PARD6G: variants seen among roughly 807,000 people sequenced by gnomAD.
PARD6G encodes par-6 family cell polarity regulator gamma.
PARD6G carries 7 observed loss-of-function variants against 10.7 expected under a neutral mutation model. The ratio of observed to expected loss-of-function variants is 0.66; its 90% CI spans 0.37 to 1.23. The LOEUF is 1.23. PARD6G is among the 50% of genes most tolerant of loss of function. PARD6G has a pLI of 0.02. For synonymous variants in PARD6G, 287 were observed against 269.4 expected (o/e 1.07, Z -0.64); for missense variants, 548 against 571.8 (o/e 0.96, Z 0.42).
intron 2 of PARD6G, among the ~76,000 whole-genome samples, chr18:80,174,764 C>G (rs923825058): frequency 6.6e-6 from 1 of 152,044 alleles, no homozygotes; most frequent in African/African-American, 2.4e-5. Flanking sequence ...ACCATCCTGG[C>G]TAACACGGTG....
At chr18:80,166,283 TTCC>T (rs2052735603) in intron 2 of PARD6G, among the ~76,000 whole-genome samples, 1 of 151,290 alleles carries the variant, frequency 6.6e-6, no homozygotes, top group South Asian at 2.1e-4. Flanking sequence ...CATGAGTGTG[TTCC>T]TCCTCTCTGC....
intron 1 of PARD6G, among the ~76,000 whole-genome samples, chr18:80,222,791 A>G (rs1967246876): frequency 6.6e-6 from 1 of 152,110 alleles, no homozygotes; most frequent in African/African-American, 2.4e-5. Flanking sequence ...CTCTCACCTT[A>G]GCCTCCCAAG....
chr18:80,228,402 G>A lies in PARD6G; in HGVS notation c.72+18875C>T, dbSNP rs1300871237. Among the ~76,000 whole-genome samples the A allele has an allele frequency of 2.0e-5, 3 of 152,098 alleles. No individual in the cohort carries two copies. Among genetic ancestry groups the A allele is most frequent in the Non-Finnish European group, 4.4e-5 (3 of 67,978 alleles). ...CCAGGTCCCTCTACATTGACCCCCA[G>A]CCTCCTCAATCAGCTCTGCTGGGTG... On this transcript the variant is annotated intron_variant, in intron 1 of 2. Transcript: ENST00000353265. This position sits in a 1 kb window ranked among gnomAD's most constrained non-coding sequence, Gnocchi z 4.6.
At chr18:80,241,687 C>T (rs1967491981) in intron 1 of PARD6G, among the ~76,000 whole-genome samples, 1 of 152,156 alleles carries the variant, frequency 6.6e-6, no homozygotes, top group African/African-American at 2.4e-5. Flanking sequence ...TGGGAAGAGG[C>T]TGGGGCCTAC....
chr18:80,160,243 T>C lies in PARD6G; in HGVS notation c.659A>G (p.Asn220Ser). 2 of 1,612,740 alleles carry C rather than the reference T, an allele frequency of 1.2e-6. No individual in the cohort carries two copies. Among genetic ancestry groups the C allele is most frequent in the Non-Finnish European group, 1.7e-6 (2 of 1,179,816 alleles). ...CGTCTTCCCGGCCACCTCAATGCCG[T>C]TCACCTCCAGGACCTCGTCATTCAC... The part of the protein sequence containing the change: ...LAVNDEVLEV[N>S]GIEVAGKTLD... Residue 220 changes from asparagine (N) to serine (S), a missense_variant, in exon 3 of 3, where the codon AAC becomes AGC. By Grantham distance (46) the Asn-to-Ser change is conservative. This residue lies in a region of PARD6G where 313 missense variants were observed against 279.9 expected (regional missense o/e 1.12). Transcript: ENST00000353265.
At position 80,202,738 on chromosome 18, in the gene PARD6G, G is replaced by A; in HGVS notation, c.267C>T (p.Pro89=). ...NFCKAVSSAN[P]LLRVFIQKRE... ...GTTTCTGGATGAAGACCCTGAGCAG[G>A]GGATTTGCACTAGAAACCGCCTTGC... The change falls in exon 2 of 3, where the codon CCC becomes CCT. Residue 89 remains proline (P), a synonymous_variant. Coordinates refer to ENST00000353265, the MANE Select transcript of PARD6G (RefSeq NM_032510.4). 6.2e-7 allele frequency: 1 copy of A among 1,613,338 alleles called. No individual in the cohort carries two copies. The highest frequency in any genetic ancestry group is 8.5e-7 in the Non-Finnish European group (1 of 1,179,984).
chr18:80,159,701 T>G lies in PARD6G; in HGVS notation c.*70A>C, dbSNP rs1351013432. On this transcript the variant is annotated 3_prime_UTR_variant, in exon 3 of 3. Coordinates refer to ENST00000353265, the MANE Select transcript of PARD6G (RefSeq NM_032510.4). ...ACAAAAACAACAAAAAATGAGCGGA[T>G]GCAGTCTGCAGGTCCTGTCCCTGTC... The G allele has an allele frequency of 6.1e-6, 8 of 1,322,222 alleles. No individual in the cohort carries two copies. The highest frequency in any genetic ancestry group is 7.7e-6 in the Non-Finnish European group (8 of 1,032,668). 81.9% of individuals were successfully genotyped at this position (1,322,222 alleles called of 1,614,324 possible).
chr18:80,188,435 A>C lies in PARD6G; in HGVS notation c.295+14275T>G, dbSNP rs1179958867. Among the ~76,000 whole-genome samples the C allele has an allele frequency of 6.6e-6, 1 of 152,096 alleles. No individual in the cohort carries two copies. The highest frequency in any genetic ancestry group is 1.5e-5 in the Non-Finnish European group (1 of 67,990). On this transcript the variant is annotated intron_variant, in intron 2 of 2. Transcript: ENST00000353265. The surrounding 1 kb of genome is among the most constrained non-coding windows in gnomAD (Gnocchi z 5.4). ...GTTCCAAGGACCTAGGCACCTCCTC[A>C]TGGTGCCTTCCACCTGCAATTCCCG...
chr18:80,173,644 C>T (rs928181111), intron 2 of PARD6G, among the ~76,000 whole-genome samples: 1 of 152,062 alleles, frequency 6.6e-6, no homozygotes, highest in Non-Finnish European at 1.5e-5. Context: ...GGGGGCAAAC[C>T]CTGGGGAGAC....
intron 2 of PARD6G, among the ~76,000 whole-genome samples, chr18:80,179,164 G>A (rs1369408046): frequency 1.3e-5 from 2 of 151,778 alleles, no homozygotes; most frequent in Middle Eastern, 3.2e-3. Context: ...CCACAGCCAA[G>A]CCCACGTGGT....
intron 2 of PARD6G, among the ~76,000 whole-genome samples, chr18:80,196,876 C>T (rs563546161): frequency 9.1e-6 from 1 of 110,340 alleles, no homozygotes; most frequent in Admixed American, 1.2e-4. Flanking sequence ...GAGTGGGAGA[C>T]TTTTTTCTTT....
chr18:80,192,172 T>C lies in PARD6G; in HGVS notation c.295+10538A>G, dbSNP rs1353683887. 6.6e-6 allele frequency among the ~76,000 whole-genome samples: 1 copy of C among 152,232 alleles called. No individual in the cohort carries two copies. The highest frequency in any genetic ancestry group is 1.5e-5 in the Non-Finnish European group (1 of 68,048). ...TCACAAGACCAGACTGCGCATTCTC[T>C]ACGAGACATGATATGACAGTGACCC... On this transcript the variant is annotated intron_variant, in intron 2 of 2. Transcript: ENST00000353265. The surrounding 1 kb of genome is among the most constrained non-coding windows in gnomAD (Gnocchi z 4.9).
chr18:80,234,071 C>G (rs1967390936), intron 1 of PARD6G, among the ~76,000 whole-genome samples: 1 of 152,162 alleles, frequency 6.6e-6, no homozygotes, highest in South Asian at 2.1e-4. Flanking sequence ...TGCGGGTGTC[C>G]ACAGCTCACC....
chr18:80,247,357 C>T lies in PARD6G; in HGVS notation c.-9G>A, dbSNP rs770808518. The T allele has an allele frequency of 4.5e-5, 71 of 1,561,746 alleles. 2 individuals are homozygous for T. In the East Asian group the frequency reaches 1.7e-3, roughly 38 times the overall value. On this transcript the variant is annotated 5_prime_UTR_variant, in exon 1 of 3. Coordinates refer to ENST00000353265, the MANE Select transcript of PARD6G (RefSeq NM_032510.4). The surrounding 1 kb of genome is among the most constrained non-coding windows in gnomAD (Gnocchi z 4.2). ...TGAAAACTTCGGTTCATGGTTTCGGCCCCGGTCAGCCTCGCCGTCGCCCTC... is the reference window on the plus strand; with the variant it reads ...TGAAAACTTCGGTTCATGGTTTCGGTCCCGGTCAGCCTCGCCGTCGCCCTC...
Position 80,183,033 on chromosome 18 carries a change from C to T in PARD6G, c.295+19677G>A. The T allele has an allele frequency of 1.4e-6, 1 of 696,304 alleles. No individual in the cohort carries two copies. Among genetic ancestry groups the T allele is most frequent in the Non-Finnish European group, 2.6e-6 (1 of 381,314 alleles). 43.1% of individuals were successfully genotyped at this position (696,304 alleles called of 1,614,324 possible). The stretch of plus-strand genomic sequence containing the variant: ...TGGCTGGGGTCTCATGAGGGGCCAG[C>T]TGCGTGGGCCATCCATTCTCTACCA... On this transcript the variant is annotated intron_variant, in intron 2 of 2. Transcript: ENST00000353265. The surrounding 1 kb of genome is among the most constrained non-coding windows in gnomAD (Gnocchi z 4.5).
At position 80,169,162 on chromosome 18, in the gene PARD6G, C is replaced by A. The variant is rs1397580908; in HGVS notation, c.296-8556G>T. 1.8e-5 allele frequency: 3 copies of A among 168,202 alleles called. No homozygotes were observed. The Admixed American group carries it at 2.0e-4, about 11-fold the overall frequency. The allele number at this position is 168,202 out of a possible 1,614,324, so 10.4% of individuals were successfully genotyped here. A position where few individuals can be genotyped will look rare whatever the true frequency, so the allele number is the denominator to read the frequency against. ...GAGCTTGCACCGGGGTGGAGGTAGC[C>A]ACGGTCCCGAGACACGCCCTCTGCC... On this transcript the variant is annotated intron_variant, in intron 2 of 2. Transcript: ENST00000353265.
chr18:80,177,478 C>G (rs1020195405), intron 2 of PARD6G, among the ~76,000 whole-genome samples: 1 of 142,148 alleles, frequency 7.0e-6, no homozygotes. Context: ...CACACACATG[C>G]ACAGGGGATA....
At chr18:80,216,461 A>G (rs914969133) in intron 1 of PARD6G, among the ~76,000 whole-genome samples, 1 of 152,156 alleles carries the variant, frequency 6.6e-6, no homozygotes, top group Admixed American at 6.6e-5. Context: ...AATCAATAAA[A>G]GAAGAAAATG....
At position 80,228,689 on chromosome 18, in the gene PARD6G, C is replaced by T. The variant is rs545257115; in HGVS notation, c.72+18588G>A. ...CCCCATCCCCTGCCCACAGACTGCG[C>T]CTCCCACCTAAGGCCCTTCTCCACC... On this transcript the variant is annotated intron_variant, in intron 1 of 2. Transcript: ENST00000353265. This position sits in a 1 kb window ranked among gnomAD's most constrained non-coding sequence, Gnocchi z 4.6. Among the ~76,000 whole-genome samples the T allele has an allele frequency of 2.0e-5, 3 of 151,808 alleles. No homozygotes were observed. In the South Asian group the frequency reaches 6.2e-4, roughly 32 times the overall value.
Sources: gnomAD v4.1 joint callset for allele counts (sites outside exome capture counted in the v4.1 genomes callset) on GRCh38, gnomAD v4.1.1 for gene constraint, gnomAD v4.1.1 regional missense constraint, Gnocchi (gnomAD v3.1) non-coding constraint, MANE v1.5 for transcripts, NCBI Gene and HGNC (gene_info 2026-07-23, HGNC 2026-07-21) for gene names.